CLEC1A: variants seen among roughly 807,000 people sequenced by gnomAD.
The protein encoded by CLEC1A is C-type lectin domain family 1 member A, also known as C-type lectin-like receptor-1.
A neutral mutation model predicts 28.7 loss-of-function variants in CLEC1A; 34 were observed. That is an observed-to-expected ratio of 1.18 (90% confidence interval 0.90 to 1.57). CLEC1A has a LOEUF of 1.57. CLEC1A is among the 40% of genes most tolerant of loss of function. The probability of loss-of-function intolerance (pLI) is 0.00; values close to 1 mark genes in which losing one functional copy is unlikely to be tolerated. For synonymous variants in CLEC1A, 116 were observed against 121.0 expected (o/e 0.96, Z 0.27); for missense variants, 385 against 339.5 (o/e 1.13, Z -1.05).
chr12:10,075,331 T>C (rs1366955519), intron 4 of CLEC1A, among the ~76,000 whole-genome samples, 173 bp downstream of exon 4: 1 of 152,256 alleles, frequency 6.6e-6, no homozygotes, highest in Non-Finnish European at 1.5e-5. Flanking sequence ...ACACAACTCC[T>C]TCTATCTACT....
At chr12:10,077,824 G>A (rs1320604862) in intron 3 of CLEC1A, among the ~76,000 whole-genome samples, 2 of 151,944 alleles carry the variant, frequency 1.3e-5, no homozygotes, top group Middle Eastern at 3.2e-3. Flanking sequence ...TGGGCAAAAG[G>A]AATGTAAGTC....
At chr12:10,073,817 A>G (rs1396739597) in intron 4 of CLEC1A, among the ~76,000 whole-genome samples, 1 of 152,196 alleles carries the variant, frequency 6.6e-6, no homozygotes, top group African/African-American at 2.4e-5. Context: ...TAACCGTTAT[A>G]AATACCTGGG....
chr12:10,073,308 G>T lies in CLEC1A; in HGVS notation c.647C>A (p.Pro216His), dbSNP rs779262535. Reference protein sequence around the residue: ...GKAWLWMDGTPFTSELFHIII... With the variant: ...GKAWLWMDGTHFTSELFHIII... ...GAAGGCTTACAGTTCAGAAGTGAAA[G>T]GGGTTCCATCCATCCACAGCCAGGC... The change falls in exon 5 of 6, where the codon CCT becomes CAT. Residue 216 changes from proline to histidine, a missense_variant. Coordinates refer to ENST00000315330, the MANE Select transcript of CLEC1A (RefSeq NM_016511.4). 6.2e-7 allele frequency: 1 copy of T among 1,611,944 alleles called. No individual in the cohort carries two copies. The highest frequency in any genetic ancestry group is 2.2e-5 in the East Asian group (1 of 44,878).
intron 1 of CLEC1A, among the ~76,000 whole-genome samples, chr12:10,091,415 C>A (rs1290619121): frequency 6.6e-6 from 1 of 151,632 alleles, no homozygotes; most frequent in Non-Finnish European, 1.5e-5. Flanking sequence ...TTTTTGTAGG[C>A]TATTGATTTT....
intron 1 of CLEC1A, among the ~76,000 whole-genome samples, chr12:10,095,180 G>A (rs1190650193): frequency 6.6e-6 from 1 of 152,164 alleles, no homozygotes; most frequent in Non-Finnish European, 1.5e-5. Context: ...TCATGACTGT[G>A]ATGAGGGATT....
chr12:10,085,353 G>C (rs1182140149), intron 2 of CLEC1A, among the ~76,000 whole-genome samples: 4 of 151,854 alleles, frequency 2.6e-5, no homozygotes, highest in Non-Finnish European at 5.9e-5. Context: ...AAAAGCTAAA[G>C]ATGACAGAAT....
chr12:10,080,454 C>CA (rs1185554788), intron 3 of CLEC1A, among the ~76,000 whole-genome samples: 1 of 152,174 alleles, frequency 6.6e-6, no homozygotes, highest in Non-Finnish European at 1.5e-5. Context: ...GCCATGCAAT[C>CA]AGGATGTCTG....
chr12:10,073,570 A>G (rs1490479319), intron 4 of CLEC1A, among the ~76,000 whole-genome samples, 159 bp from the exon 5 acceptor site: 1 of 152,262 alleles, frequency 6.6e-6, no homozygotes, highest in African/African-American at 2.4e-5. Context: ...TGCTGAGGCC[A>G]GTCAGAAATT....
At chr12:10,076,094 T>C (rs957212739) in intron 3 of CLEC1A, among the ~76,000 whole-genome samples, 2 of 152,186 alleles carry the variant, frequency 1.3e-5, no homozygotes, top group Non-Finnish European at 1.5e-5. Context: ...TATACCAATA[T>C]GATGTGGAGT....
At chr12:10,088,879 T>TACAA (rs1565606338) in intron 2 of CLEC1A, among the ~76,000 whole-genome samples, 1 of 152,062 alleles carries the variant, frequency 6.6e-6, no homozygotes, top group Non-Finnish European at 1.5e-5. Context: ...AACATTGACA[T>TACAA]ACAAACAAAC....
chr12:10,095,946 A>C (rs927767293), intron 1 of CLEC1A, among the ~76,000 whole-genome samples: 8 of 152,060 alleles, frequency 5.3e-5, no homozygotes, highest in Non-Finnish European at 1.2e-4. Flanking sequence ...ATTCCCTCAG[A>C]TTATCTCCTT....
chr12:10,073,090 C>T (rs1866169812), intron 5 of CLEC1A, among the ~76,000 whole-genome samples: 1 of 152,044 alleles, frequency 6.6e-6, no homozygotes, highest in African/African-American at 2.4e-5. Flanking sequence ...AAAAAACAAT[C>T]AAACGAACAA....
In CLEC1A at chr12:10,070,960, C is replaced by T. The variant is rs114288603; in HGVS notation, c.*373G>A. 0.01 allele frequency: 1,602 copies of T among 159,774 alleles called. 24 individuals carry two copies. Among genetic ancestry groups the T allele is most frequent in the African/African-American group, 0.035 (1,477 of 41,748 alleles). 9.9% of individuals were successfully genotyped at this position (159,774 alleles called of 1,614,324 possible). On this transcript the variant is annotated 3_prime_UTR_variant, in exon 6 of 6. Coordinates refer to ENST00000315330, the MANE Select transcript of CLEC1A (RefSeq NM_016511.4). ...TGACTGTCAGAGAAAAGGATGTTAC[C>T]TCAATGTATTTCCTCTACTTCAAAA...
At chr12:10,093,472 T>TTA (rs2137371596) in intron 1 of CLEC1A, among the ~76,000 whole-genome samples, 1 of 151,670 alleles carries the variant, frequency 6.6e-6, no homozygotes, top group African/African-American at 2.4e-5. Context: ...TACTGTGTAA[T>TTA]TATATGAAAC....
chr12:10,088,343 GA>G (rs1866542837), intron 2 of CLEC1A, among the ~76,000 whole-genome samples: 1 of 152,020 alleles, frequency 6.6e-6, no homozygotes, highest in South Asian at 2.1e-4. Flanking sequence ...TGAAATATAA[GA>G]CACAAACAGA....
At chr12:10,082,945 C>T (rs543294560) in intron 2 of CLEC1A, among the ~76,000 whole-genome samples, 3 of 152,348 alleles carry the variant, frequency 2.0e-5, no homozygotes, top group South Asian at 2.1e-4. Context: ...CAACCAAGGA[C>T]TCTCACACAG....
chr12:10,096,463 T>A (rs1023201917), intron 1 of CLEC1A, among the ~76,000 whole-genome samples: 1 of 152,190 alleles, frequency 6.6e-6, no homozygotes, highest in Non-Finnish European at 1.5e-5. Flanking sequence ...GTGGAAAAAT[T>A]TGGTATCAGC....
chr12:10,081,396 G>A lies in CLEC1A; in HGVS notation c.232C>T (p.Leu78Phe). The change falls in exon 3 of 6, where the codon CTC becomes TTC. Residue 78 changes from leucine (L) to phenylalanine (F), a missense_variant. Transcript: ENST00000315330. ...ATGGTGTCTTGACCAGTATTGGAGA[G>A]CTGGTAGTACTGAAAAACTAACCCA... ...LGLLFFQYYQLSNTGQDTISQ... is the reference protein window; with the variant it reads ...LGLLFFQYYQFSNTGQDTISQ... 1 of 1,600,790 alleles carries A rather than the reference G, an allele frequency of 6.2e-7. No individual in the cohort carries two copies. The highest frequency in any genetic ancestry group is 8.5e-7 in the Non-Finnish European group (1 of 1,174,286).
At chr12:10,071,540 C>T (rs780216083) in intron 5 of CLEC1A, 27 bp from the exon 6 acceptor site, 15 of 1,518,362 alleles carry the variant, frequency 9.9e-6, no homozygotes, top group Middle Eastern at 1.7e-4. Flanking sequence ...AAAGTAAATT[C>T]AATCACGGTT....
Sources: gnomAD v4.1 joint callset for allele counts (sites outside exome capture counted in the v4.1 genomes callset) on GRCh38, gnomAD v4.1.1 for gene constraint, MANE v1.5 for transcripts, NCBI Gene and HGNC (gene_info 2026-07-23, HGNC 2026-07-21) for gene names.